Variants in RMC1 observed in about 807,000 individuals in gnomAD.
The protein encoded by RMC1 is regulator of MON1-CCZ1.
In RMC1, 44 loss-of-function variants were observed where a neutral mutation model predicts 95.5. That is an observed-to-expected ratio of 0.46 (90% CI 0.36 to 0.59). RMC1 has a LOEUF of 0.59. Among genes scored for constraint, RMC1 ranks in the 20% least tolerant of loss-of-function variants. The pLI is 0.00. For synonymous variants in RMC1, 320 were observed against 303.6 expected (o/e 1.05, Z -0.56); for missense variants, 705 against 819.6 (o/e 0.86, Z 1.71).
At chr18:23,527,175 G>A (rs1408933436) in intron 13 of RMC1, among the ~76,000 whole-genome samples, 1 of 143,298 alleles carries the variant, frequency 7.0e-6, no homozygotes, top group African/African-American at 2.7e-5. Context: ...CCTGAGCCTA[G>A]GAGTTCGAGA....
chr18:23,511,309 C>CG (rs1206729839), intron 5 of RMC1, among the ~76,000 whole-genome samples: 3 of 146,232 alleles, frequency 2.1e-5, no homozygotes, highest in Non-Finnish European at 4.5e-5. Context: ...ACAACAGACA[C>CG]GGGGGGCTAC....
At chr18:23,519,323 G>C (rs2058086860) in intron 9 of RMC1, 149 bp downstream of exon 9, 1 of 657,474 alleles carries the variant, frequency 1.5e-6, no homozygotes, top group African/African-American at 1.8e-5. Context: ...TTCGAGACCA[G>C]CCTGAGCAGC....
intron 9 of RMC1, 120 bp downstream of exon 9, chr18:23,519,294 G>C (rs1236126480): frequency 1.2e-6 from 1 of 807,870 alleles, no homozygotes; most frequent in Admixed American, 2.2e-5. Context: ...AAGGCGGACA[G>C]ATTGCTTGAG....
intron 2 of RMC1, among the ~76,000 whole-genome samples, chr18:23,505,141 T>C (rs2057681253): frequency 6.6e-6 from 1 of 152,198 alleles, no homozygotes; most frequent in Non-Finnish European, 1.5e-5. Flanking sequence ...GACTGCAACC[T>C]CCGCCTCCCA....
intron 13 of RMC1, among the ~76,000 whole-genome samples, chr18:23,527,098 CT>C (rs1291487596): frequency 2.6e-5 from 4 of 151,976 alleles, no homozygotes; most frequent in African/African-American, 9.7e-5. Flanking sequence ...GAATCCCCTA[CT>C]GAGGCCAGGC....
In RMC1 at chr18:23,518,875, T is replaced by C. The variant is rs1431806121; in HGVS notation, c.654-15T>C. On this transcript the variant is annotated splice_polypyrimidine_tract_variant and intron_variant, in intron 7 of 19. Transcript: ENST00000269221. ...ATGGCCAGATGTGATTTATGTCTGT[T>C]TGTTCCCTAATTAGATACGGGCAGC... 9 of 1,612,574 alleles carry C rather than the reference T, an allele frequency of 5.6e-6. No homozygotes were observed. The highest frequency in any genetic ancestry group is 6.8e-6 in the Non-Finnish European group (8 of 1,178,708).
At chr18:23,504,530 G>A (rs933213305) in intron 2 of RMC1, 83 bp downstream of exon 2, 11 of 1,316,020 alleles carry the variant, frequency 8.4e-6, no homozygotes, top group Admixed American at 1.7e-5. Context: ...TTATAATTTT[G>A]TCATTTGGTC....
chr18:23,515,918 C>T lies in RMC1; in HGVS notation c.471C>T (p.Tyr157=). Residue 157 remains tyrosine (Y), a synonymous_variant, in exon 6 of 20, where the codon TAC becomes TAT. Transcript: ENST00000269221. ...GCCACAATCTCAATGTGAATTGGTA[C>T]ATGTACTGCCCCGAGAGCGCCGTGA... ...LKSHNLNVNW[Y]MYCPESAVIL... is the part of the protein sequence containing the mutation. 6.2e-7 allele frequency: 1 copy of T among 1,614,174 alleles called. No individual in the cohort carries two copies. The highest frequency in any genetic ancestry group is 1.1e-5 in the South Asian group (1 of 91,084).
At position 23,504,418 on chromosome 18, in the gene RMC1, C is replaced by T; in HGVS notation, c.150C>T (p.Gly50=). 1 of 1,614,050 alleles carries T rather than the reference C, an allele frequency of 6.2e-7. No homozygotes were observed. The highest frequency in any genetic ancestry group is 8.5e-7 in the Non-Finnish European group (1 of 1,179,916). The change falls in exon 2 of 20, where the codon GGC becomes GGT. Residue 50 remains glycine (G), a synonymous_variant. Coordinates refer to ENST00000269221, the MANE Select transcript of RMC1 (RefSeq NM_013326.5). ...GAGCTACTGGCGTGGTAGTTAAAGG[C>T]CCAGATGATAGGAATCCCATCTCAT... is the stretch of plus-strand genomic sequence containing the variant. ...SGGATGVVVK[G]PDDRNPISFR...
intron 2 of RMC1, among the ~76,000 whole-genome samples, chr18:23,505,366 C>G (rs1279818801): frequency 6.6e-6 from 1 of 152,038 alleles, no homozygotes; most frequent in Non-Finnish European, 1.5e-5. Flanking sequence ...CCGGCCTGAG[C>G]AAGGTTTTAA....
intron 1 of RMC1, 42 bp from the exon 2 acceptor site, chr18:23,504,329 T>C: frequency 6.3e-7 from 1 of 1,578,374 alleles, no homozygotes; most frequent in African/African-American, 1.3e-5. Context: ...TTTAGATCCT[T>C]TCAGAGTTCA....
At chr18:23,506,543 C>A (rs1197562160) in intron 2 of RMC1, 2 of 169,456 alleles carry the variant, frequency 1.2e-5, no homozygotes, top group African/African-American at 4.8e-5. Flanking sequence ...TTTTTAACAT[C>A]TGTCTGAGGC....
rs930219241 is a variant in RMC1, at chr18:23,530,367, C to T, written c.1669-20C>T. Reference sequence around the variant, plus strand: ...TTCCTGTTGTTTGCACTGACCTGGACTTCTCTCCCTTACTGCTAGCGACTT... The same window carrying T: ...TTCCTGTTGTTTGCACTGACCTGGATTTCTCTCCCTTACTGCTAGCGACTT... On this transcript the variant is annotated intron_variant, in intron 18 of 19. Coordinates refer to ENST00000269221, the MANE Select transcript of RMC1 (RefSeq NM_013326.5). The T allele has an allele frequency of 1.2e-6, 2 of 1,614,002 alleles. No homozygotes were observed. Among genetic ancestry groups the T allele is most frequent in the Non-Finnish European group, 8.5e-7 (1 of 1,179,858 alleles).
intron 7 of RMC1, among the ~76,000 whole-genome samples, chr18:23,518,649 A>G (rs1418942182): frequency 6.6e-6 from 1 of 152,202 alleles, no homozygotes; most frequent in East Asian, 1.9e-4. Context: ...TTTAGACTCT[A>G]TGCTTAGGTT....
intron 2 of RMC1, chr18:23,506,048 TC>T (rs1161427351): frequency 2.0e-5 from 3 of 150,996 alleles, no homozygotes; most frequent in Admixed American, 1.3e-4. Context: ...GTGCCTGTAA[TC>T]CCAGCTACTC....
chr18:23,521,662 G>A (rs1442532600), intron 10 of RMC1, among the ~76,000 whole-genome samples: 3 of 150,666 alleles, frequency 2.0e-5, no homozygotes, highest in Non-Finnish European at 4.4e-5. Flanking sequence ...TTTTAAGATA[G>A]AACTGAAAGA....
At chr18:23,523,848 G>A (rs865888543) in intron 10 of RMC1, among the ~76,000 whole-genome samples, 1 of 152,072 alleles carries the variant, frequency 6.6e-6, no homozygotes, top group Non-Finnish European at 1.5e-5. Flanking sequence ...ATATGTAAAC[G>A]ATCATGAGTC....
In RMC1 at chr18:23,526,785, C is replaced by T. The variant is rs773383433; in HGVS notation, c.1189+20C>T. 3.2e-5 allele frequency: 52 copies of T among 1,612,028 alleles called. 1 individual carries two copies. The South Asian group carries it at 5.7e-4, about 18-fold the overall frequency. The stretch of plus-strand genomic sequence containing the variant: ...CACAGAGTAAGTTGAATCCTTCCCC[C>T]TTGCTCTGATTCCAGTGTGAGGCCT... On this transcript the variant is annotated intron_variant, in intron 13 of 19. Coordinates refer to ENST00000269221, the MANE Select transcript of RMC1 (RefSeq NM_013326.5).
At chr18:23,529,400 T>C in intron 15 of RMC1, 102 bp downstream of exon 15, 2 of 1,480,084 alleles carry the variant, frequency 1.4e-6, no homozygotes, top group Non-Finnish European at 1.8e-6. Context: ...TTGAAGTGAT[T>C]AGAATCACTG....
Sources: gnomAD v4.1 joint callset for allele counts (sites outside exome capture counted in the v4.1 genomes callset) on GRCh38, gnomAD v4.1.1 for gene constraint, MANE v1.5 for transcripts, NCBI Gene and HGNC (gene_info 2026-07-23, HGNC 2026-07-21) for gene names.